The following ATP2B2 variants were observed in gnomAD, a reference collection of about 807,000 sequenced individuals.
ATP2B2 encodes plasma membrane calcium-transporting ATPase 2.
In ATP2B2, 15 loss-of-function variants were observed where a neutral mutation model predicts 120.0. The observed-to-expected ratio is 0.12, with a 90% CI of 0.08 to 0.19. The LOEUF is 0.19. ATP2B2 is among the 10% of genes least tolerant of loss of function. The pLI, the probability that ATP2B2 is intolerant of heterozygous loss-of-function variation, is 1.00. For missense variants in ATP2B2, 1,045 were observed against 1,719.8 expected (o/e 0.61, Z 6.94); for synonymous variants, 694 against 700.3 (o/e 0.99, Z 0.14).
intron 18 of ATP2B2, among the ~76,000 whole-genome samples, chr3:10,344,743 T>C (rs1416155306): frequency 6.6e-6 from 1 of 152,158 alleles, no homozygotes; most frequent in African/African-American, 2.4e-5. Flanking sequence ...ATGAGGATCA[T>C]CACAGTTCCC....
intron 1 of ATP2B2, among the ~76,000 whole-genome samples, chr3:10,622,238 C>G (rs2069572482): frequency 6.6e-6 from 1 of 152,114 alleles, no homozygotes; most frequent in African/African-American, 2.4e-5. Context: ...CAGCCGTGCC[C>G]CCATCTTCTC....
intron 2 of ATP2B2, among the ~76,000 whole-genome samples, chr3:10,593,543 C>A (rs1200501102): frequency 2.0e-5 from 3 of 152,176 alleles, no homozygotes; most frequent in Non-Finnish European, 4.4e-5. Context: ...CCCTTCCTTA[C>A]ACCTTATACA....
chr3:10,391,974 C>G lies in ATP2B2; in HGVS notation c.782-3572G>C, dbSNP rs548609800. 2.7e-4 allele frequency among the ~76,000 whole-genome samples: 41 copies of G among 152,242 alleles called. No individual in the cohort carries two copies. The South Asian group carries it at 7.1e-3, about 26-fold the overall frequency. Reference sequence around the variant, plus strand: ...CACAGTGATCACCTGAATGCCTTTCCCTCACCTCTTGCTCACAACCTCCTC... The same window carrying G: ...CACAGTGATCACCTGAATGCCTTTCGCTCACCTCTTGCTCACAACCTCCTC... On this transcript the variant is annotated intron_variant, in intron 5 of 22. Coordinates refer to ENST00000360273, the MANE Select transcript of ATP2B2 (RefSeq NM_001001331.4).
chr3:10,350,179 G>C lies in ATP2B2; in HGVS notation c.2337C>G (p.Asp779Glu), dbSNP rs1382206628. The change falls in exon 16 of 23, where the codon GAC becomes GAG. Residue 779 changes from aspartate (D) to glutamate (E), a missense_variant. Asp to Glu is a conservative substitution (Grantham distance 45). Transcript: ENST00000360273. ...GCACCCGCAGCTTTGGCCAGATCTT[G>C]TCAATTCGCTCCTGCTCAATCTGGA... ...EKGEIEQERI[D>E]KIWPKLRVLA... The C allele has an allele frequency of 1.4e-5, 22 of 1,570,666 alleles. No homozygotes were observed. The highest frequency in any genetic ancestry group is 1.9e-5 in the Non-Finnish European group (22 of 1,153,700).
intron 2 of ATP2B2, among the ~76,000 whole-genome samples, chr3:10,597,495 G>C (rs190099774): frequency 1.4e-3 from 209 of 152,306 alleles, no homozygotes; most frequent in African/African-American, 4.7e-3. Context: ...GGTTAAGAAG[G>C]AAAGAAGGAG....
chr3:10,519,800 A>T (rs145516549), intron 3 of ATP2B2, among the ~76,000 whole-genome samples: 2 of 152,352 alleles, frequency 1.3e-5, no homozygotes, highest in African/African-American at 4.8e-5. Flanking sequence ...TCATTCAACA[A>T]ACATTGGCTC....
intron 3 of ATP2B2, among the ~76,000 whole-genome samples, chr3:10,531,312 C>T (rs571316855): frequency 2.6e-5 from 4 of 152,212 alleles, no homozygotes; most frequent in South Asian, 4.1e-4. Flanking sequence ...CAGACAGTGC[C>T]GGGTCAGAGT....
intron 12 of ATP2B2, among the ~76,000 whole-genome samples, chr3:10,364,581 G>A (rs4684683): frequency 0.05 from 7,564 of 151,834 alleles, 414 homozygotes; most frequent in East Asian, 0.29. Context: ...AGTGGTGGCA[G>A]GCCCCTGTAA....
intron 1 of ATP2B2, among the ~76,000 whole-genome samples, chr3:10,471,364 CTGTGTGTGTG>C (rs58583936): frequency 0.2 from 29,692 of 150,376 alleles, 3,516 homozygotes; most frequent in East Asian, 0.52. Context: ...TTCAGGAAAC[CTGTGTGTGTG>C]TGTGTGTGTG....
At chr3:10,410,541 T>C in intron 3 of ATP2B2, 77 bp downstream of exon 3, 1 of 1,473,968 alleles carries the variant, frequency 6.8e-7, no homozygotes, top group Non-Finnish European at 9.2e-7. Context: ...ATTATTTGTG[T>C]GAGCCGTGAG....
intron 2 of ATP2B2, among the ~76,000 whole-genome samples, chr3:10,553,905 TC>T (rs1353595147): frequency 4.0e-5 from 6 of 150,374 alleles, no homozygotes; most frequent in Admixed American, 2.7e-4. Flanking sequence ...TTGAGTGACA[TC>T]CCCCAGCTCC....
Position 10,359,876 on chromosome 3 carries a change from G to T in ATP2B2, c.1901+6C>A, listed in dbSNP as rs750510245. 1.2e-6 allele frequency: 2 copies of T among 1,614,190 alleles called. No individual in the cohort carries two copies. The highest frequency in any genetic ancestry group is 2.7e-5 in the African/African-American group (2 of 75,062). Reference sequence around the variant, plus strand: ...CCTCAGCCCCGGTGCCCTGCCCAGCGCTTACTTCTTGAGCACGATCTCAGA... The same window carrying T: ...CCTCAGCCCCGGTGCCCTGCCCAGCTCTTACTTCTTGAGCACGATCTCAGA... On this transcript the variant is annotated splice_donor_region_variant and intron_variant, in intron 13 of 22. Coordinates refer to ENST00000360273, the MANE Select transcript of ATP2B2 (RefSeq NM_001001331.4).
At position 10,421,612 on chromosome 3, in the gene ATP2B2, A is replaced by G. The variant is rs375041115; in HGVS notation, c.200-10797T>C. Among the ~76,000 whole-genome samples the G allele has an allele frequency of 1.3e-3, 203 of 152,324 alleles. 1 individual carries two copies. Among genetic ancestry groups the G allele is most frequent in the African/African-American group, 4.7e-3 (196 of 41,572 alleles). The stretch of plus-strand genomic sequence containing the variant: ...GAGCTGGTCTTCAAGTTCGGCTGTC[A>G]CAGCATCCCTGCCCTGATCCGCAAC... On this transcript the variant is annotated intron_variant, in intron 2 of 22. Transcript: ENST00000360273.
chr3:10,655,553 G>A (rs1417337670), intron 1 of ATP2B2, among the ~76,000 whole-genome samples: 2 of 152,002 alleles, frequency 1.3e-5, no homozygotes, highest in African/African-American at 4.8e-5. Context: ...ATCATTGCCT[G>A]GCAATTAGTA....
chr3:10,334,495 G>C (rs898130722), intron 22 of ATP2B2, among the ~76,000 whole-genome samples: 1 of 152,210 alleles, frequency 6.6e-6, no homozygotes, highest in Non-Finnish European at 1.5e-5. Flanking sequence ...GTCTAAAGGG[G>C]AGGAGGATGG....
chr3:10,476,685 C>T (rs773106626), intron 1 of ATP2B2, among the ~76,000 whole-genome samples: 11 of 152,242 alleles, frequency 7.2e-5, no homozygotes, highest in Non-Finnish European at 1.2e-4. Context: ...CCCAAGCAAA[C>T]GCAAAGCTAA....
At chr3:10,533,043 C>T (rs2067242675) in intron 3 of ATP2B2, among the ~76,000 whole-genome samples, 1 of 152,182 alleles carries the variant, frequency 6.6e-6, no homozygotes, top group African/African-American at 2.4e-5. Flanking sequence ...GTGTCTGATG[C>T]TGAAAGATGA....
chr3:10,330,871 G>A (rs1012634987), intron 22 of ATP2B2, among the ~76,000 whole-genome samples: 1 of 152,214 alleles, frequency 6.6e-6, no homozygotes, highest in Non-Finnish European at 1.5e-5. Flanking sequence ...CATGTCATAC[G>A]CTCCTCTGAC....
At chr3:10,336,916 C>A (rs2060132036) in intron 22 of ATP2B2, among the ~76,000 whole-genome samples, 1 of 152,240 alleles carries the variant, frequency 6.6e-6, no homozygotes, top group South Asian at 2.1e-4. Context: ...CTGGAGACCC[C>A]TGCGTGGCTT....
Sources: allele counts gnomAD v4.1 joint callset (sites outside exome capture counted in the v4.1 genomes callset), GRCh38; gene constraint gnomAD v4.1.1; transcripts MANE v1.5; gene names NCBI Gene and HGNC (gene_info 2026-07-23, HGNC 2026-07-21).